The following CALCRL variants were observed in gnomAD, a reference collection of about 807,000 sequenced individuals.
CALCRL encodes calcitonin gene-related peptide type 1 receptor.
In CALCRL, 27 loss-of-function variants were observed where a neutral mutation model predicts 60.4. That is an observed-to-expected ratio of 0.45 (90% CI 0.33 to 0.62). CALCRL has a LOEUF of 0.62. CALCRL is among the 20% of genes least tolerant of loss of function. The pLI is 0.03. For synonymous variants in CALCRL, 190 were observed against 182.6 expected (o/e 1.04, Z -0.33); for missense variants, 424 against 540.7 (o/e 0.78, Z 2.14).
intron 8 of CALCRL, among the ~76,000 whole-genome samples, chr2:187,374,795 C>T (rs887087466): frequency 3.3e-5 from 5 of 152,008 alleles, no homozygotes; most frequent in African/African-American, 1.2e-4. Context: ...TCCTAAATGC[C>T]AGGTACTATA....
At chr2:187,379,143 T>C (rs1054018716) in intron 7 of CALCRL, 112 bp from the exon 8 acceptor site, 60 of 595,666 alleles carry the variant, frequency 1.0e-4, no homozygotes, top group Admixed American at 4.8e-4. Context: ...TTTAGAAATA[T>C]GTGATCTGAT....
intron 1 of CALCRL, among the ~76,000 whole-genome samples, chr2:187,417,132 TACTCA>T: frequency 6.6e-6 from 1 of 152,220 alleles, no homozygotes; most frequent in South Asian, 2.1e-4. Context: ...TTACTTTCTA[TACTCA>T]AGTGAATTTT....
chr2:187,431,442 A>G lies in CALCRL; in HGVS notation c.-293+16597T>C, dbSNP rs181592811. On this transcript the variant is annotated intron_variant, in intron 1 of 14. Transcript: ENST00000392370. The stretch of plus-strand genomic sequence containing the variant: ...TGGGATTTCTCAGAATTTAACCTCA[A>G]GTTAAATACTAGTGTGTTTCTTTGT... The G allele has an allele frequency of 1.0e-3, 162 of 154,896 alleles. 1 individual carries two copies. Among genetic ancestry groups the G allele is most frequent in the Non-Finnish European group, 1.7e-3 (118 of 68,182 alleles). 9.6% of individuals were successfully genotyped at this position (154,896 alleles called of 1,614,324 possible). A position where few individuals can be genotyped will look rare whatever the true frequency, so the allele number is the denominator to read the frequency against.
At chr2:187,380,094 C>A (rs1177771289) in intron 7 of CALCRL, among the ~76,000 whole-genome samples, 1 of 152,162 alleles carries the variant, frequency 6.6e-6, no homozygotes, top group Non-Finnish European at 1.5e-5. Context: ...ACTCTTTAAA[C>A]CCTGCTGGGC....
chr2:187,362,882 T>C (rs1253314992), intron 9 of CALCRL, among the ~76,000 whole-genome samples: 2 of 152,140 alleles, frequency 1.3e-5, no homozygotes, highest in African/African-American at 4.8e-5. Flanking sequence ...TTTTATTGAC[T>C]TTTTAAAGTC....
At chr2:187,433,139 G>T (rs1327424732) in intron 1 of CALCRL, among the ~76,000 whole-genome samples, 1 of 152,062 alleles carries the variant, frequency 6.6e-6, no homozygotes. Flanking sequence ...GTTCCTATTA[G>T]TCTCAGCCTT....
At position 187,394,117 on chromosome 2, in the gene CALCRL, A is replaced by G. The variant is rs1171149629; in HGVS notation, c.-292-6361T>C. Among the ~76,000 whole-genome samples the G allele has an allele frequency of 2.0e-5, 3 of 152,104 alleles. No individual in the cohort carries two copies. The East Asian group carries it at 5.8e-4, about 29-fold the overall frequency. ...GTCAAAGAGATGCAGCACAAGGGGA[A>G]GCAGAAAAGATGAAAGCCTGAGAAA... On this transcript the variant is annotated intron_variant, in intron 1 of 14. Coordinates refer to ENST00000392370, the MANE Select transcript of CALCRL (RefSeq NM_005795.6).
chr2:187,420,202 G>A (rs1481453386), intron 1 of CALCRL, among the ~76,000 whole-genome samples: 1 of 152,112 alleles, frequency 6.6e-6, no homozygotes, highest in Non-Finnish European at 1.5e-5. Flanking sequence ...CCCAGCCAGT[G>A]AGTATCTTTA....
At chr2:187,347,644 TACAC>T (rs1344403914) in intron 14 of CALCRL, among the ~76,000 whole-genome samples, 1 of 150,444 alleles carries the variant, frequency 6.6e-6, no homozygotes, top group South Asian at 2.1e-4. Flanking sequence ...CACACACACA[TACAC>T]ACACACACAA....
intron 1 of CALCRL, among the ~76,000 whole-genome samples, chr2:187,396,740 C>A (rs992476641): frequency 6.6e-6 from 1 of 151,498 alleles, no homozygotes; most frequent in Admixed American, 6.6e-5. Context: ...TGAAGAGATG[C>A]CTAAATTTAA....
intron 12 of CALCRL, among the ~76,000 whole-genome samples, chr2:187,352,692 A>C (rs2105701204): frequency 6.6e-6 from 1 of 152,036 alleles, no homozygotes; most frequent in African/African-American, 2.4e-5. Flanking sequence ...CAAAGAAAAT[A>C]ATTGTTTATG....
intron 9 of CALCRL, among the ~76,000 whole-genome samples, chr2:187,362,499 C>A (rs1406522474): frequency 6.6e-6 from 1 of 151,922 alleles, no homozygotes; most frequent in Non-Finnish European, 1.5e-5. Flanking sequence ...TGTTTATTGA[C>A]CCACTTGGTA....
intron 1 of CALCRL, among the ~76,000 whole-genome samples, chr2:187,394,090 G>T (rs1427113336): frequency 6.6e-6 from 1 of 152,046 alleles, no homozygotes; most frequent in Non-Finnish European, 1.5e-5. Context: ...AAAGGGTGAA[G>T]GGTCAAAGAG....
intron 1 of CALCRL, among the ~76,000 whole-genome samples, chr2:187,446,220 T>C (rs972783717): frequency 6.6e-6 from 1 of 151,878 alleles, no homozygotes; most frequent in Non-Finnish European, 1.5e-5. Flanking sequence ...AGTAAATTCA[T>C]TTCTTTATGG....
intron 1 of CALCRL, among the ~76,000 whole-genome samples, chr2:187,407,553 C>A (rs977493976): frequency 1.3e-5 from 2 of 151,964 alleles, no homozygotes; most frequent in Non-Finnish European, 2.9e-5. Context: ...AATGCATATT[C>A]AAAATTTTAG....
intron 1 of CALCRL, among the ~76,000 whole-genome samples, chr2:187,394,536 C>T (rs1412852007): frequency 6.6e-6 from 1 of 152,034 alleles, no homozygotes; most frequent in Non-Finnish European, 1.5e-5. Flanking sequence ...AAAGTAGTAA[C>T]TCTGCTTCCC....
At chr2:187,390,299 T>C (rs1688381838) in intron 1 of CALCRL, among the ~76,000 whole-genome samples, 1 of 152,164 alleles carries the variant, frequency 6.6e-6, no homozygotes, top group African/African-American at 2.4e-5. Flanking sequence ...TTTTTCTGAA[T>C]AAAAGTATAT....
chr2:187,367,144 C>T (rs1687334017), intron 8 of CALCRL, among the ~76,000 whole-genome samples: 1 of 151,998 alleles, frequency 6.6e-6, no homozygotes, highest in Admixed American at 6.6e-5. Context: ...AATTTCATTA[C>T]AAAGACATTA....
intron 9 of CALCRL, among the ~76,000 whole-genome samples, chr2:187,361,175 T>C (rs1426563283): frequency 5.4e-3 from 2 of 372 alleles, no homozygotes; most frequent in Non-Finnish European, 0.029. Context: ...GCCCAAATAC[T>C]TGAAAAGTTT....
Sources: gnomAD v4.1 joint callset for allele counts (sites outside exome capture counted in the v4.1 genomes callset) on GRCh38, gnomAD v4.1.1 for gene constraint, MANE v1.5 for transcripts, NCBI Gene and HGNC (gene_info 2026-07-23, HGNC 2026-07-21) for gene names.